PRKN: variants seen among roughly 807,000 people sequenced by gnomAD.
PRKN encodes parkin RBR E3 ubiquitin protein ligase, also known as E3 ubiquitin-protein ligase parkin.
In PRKN, 56 loss-of-function variants were observed where a neutral mutation model predicts 59.5. That is an observed-to-expected ratio of 0.94 (90% CI 0.76 to 1.18). PRKN has a LOEUF of 1.18. Among genes scored for constraint, PRKN ranks in the 50% most tolerant of loss-of-function variants. The probability of loss-of-function intolerance (pLI) is 0.00; values close to 1 mark genes in which losing one functional copy is unlikely to be tolerated. For synonymous variants in PRKN, 250 were observed against 222.1 expected, an observed-to-expected ratio of 1.13 and a Z score of -1.12; for missense variants, 657 against 596.4, an observed-to-expected ratio of 1.10 and a Z score of -1.06.
chr6:162,084,428 C>A (rs1407051684), intron 4 of PRKN, among the ~76,000 whole-genome samples: 1 of 152,076 alleles, frequency 6.6e-6, no homozygotes, highest in Non-Finnish European at 1.5e-5. Context: ...TTGCTGGTTT[C>A]TTTCAATAAA....
At chr6:161,739,530 C>T (rs1237001239) in intron 7 of PRKN, among the ~76,000 whole-genome samples, 1 of 152,134 alleles carries the variant, frequency 6.6e-6, no homozygotes, top group African/African-American at 2.4e-5. Flanking sequence ...GCTATTCATA[C>T]TTACGTGTAT....
At chr6:162,439,836 T>C (rs931235854) in intron 2 of PRKN, among the ~76,000 whole-genome samples, 1 of 152,184 alleles carries the variant, frequency 6.6e-6, no homozygotes, top group Non-Finnish European at 1.5e-5. Context: ...ATACAGTACA[T>C]ATTACATATG....
intron 4 of PRKN, among the ~76,000 whole-genome samples, chr6:162,118,177 C>T (rs1780754878): frequency 1.3e-5 from 2 of 151,704 alleles, no homozygotes; most frequent in African/African-American, 2.4e-5. Context: ...TTTGGGAGGC[C>T]GAGGCGGGTG....
chr6:161,733,069 A>C (rs1787790181), intron 7 of PRKN, among the ~76,000 whole-genome samples: 1 of 152,222 alleles, frequency 6.6e-6, no homozygotes, highest in Non-Finnish European at 1.5e-5. Flanking sequence ...ATTTTTATCA[A>C]ATTGGTAATG....
chr6:161,786,004 T>C lies in PRKN; in HGVS notation c.735-96A>G, dbSNP rs1312641499. ...ATTTCTGTAATCCTGGAGGGTTGTG[T>C]AGACTGTGCTCTGTGCAAAGACCGG... is the stretch of plus-strand genomic sequence containing the variant. On this transcript the variant is annotated intron_variant, in intron 6 of 11. Coordinates refer to ENST00000366898, the MANE Select transcript of PRKN (RefSeq NM_004562.3). 4.1e-6 allele frequency: 5 copies of C among 1,228,342 alleles called. No individual in the cohort carries two copies. In the Admixed American group the frequency reaches 9.5e-5, roughly 23 times the overall value. 76.1% of individuals were successfully genotyped at this position (1,228,342 alleles called of 1,614,324 possible). A position where few individuals can be genotyped will look rare whatever the true frequency, so the allele number is the denominator to read the frequency against.
At chr6:161,795,995 T>C (rs938131162) in intron 6 of PRKN, among the ~76,000 whole-genome samples, 5 of 152,186 alleles carry the variant, frequency 3.3e-5, no homozygotes, top group Admixed American at 3.3e-4. Context: ...ATAATGATAA[T>C]GCTTCTATAA....
At chr6:162,597,668 A>G (rs1781543353) in intron 1 of PRKN, among the ~76,000 whole-genome samples, 1 of 152,174 alleles carries the variant, frequency 6.6e-6, no homozygotes, top group African/African-American at 2.4e-5. Context: ...CTTACTCCCA[A>G]CAGACATAGA....
chr6:161,652,077 T>C (rs367546737), intron 7 of PRKN, among the ~76,000 whole-genome samples: 22 of 152,356 alleles, frequency 1.4e-4, no homozygotes, highest in African/African-American at 4.6e-4. Context: ...ACTTGTTCTT[T>C]CGGCATAATC....
At chr6:162,187,922 C>G (rs917143050) in intron 4 of PRKN, among the ~76,000 whole-genome samples, 8 of 152,144 alleles carry the variant, frequency 5.3e-5, no homozygotes, top group African/African-American at 1.9e-4. Context: ...ACCCAAATCT[C>G]ATCTTAAATT....
At chr6:162,586,665 A>G (rs2128213018) in intron 1 of PRKN, among the ~76,000 whole-genome samples, 1 of 152,314 alleles carries the variant, frequency 6.6e-6, no homozygotes, top group Non-Finnish European at 1.5e-5. Flanking sequence ...TGCATATTAA[A>G]TCTAATATCA....
intron 7 of PRKN, among the ~76,000 whole-genome samples, chr6:161,590,830 C>T (rs751585347): frequency 5.9e-5 from 9 of 151,982 alleles, no homozygotes; most frequent in East Asian, 3.9e-4. Flanking sequence ...AACTGTCCTG[C>T]GCTCATAAAA....
chr6:162,171,611 C>T (rs919022057), intron 4 of PRKN, among the ~76,000 whole-genome samples: 10 of 152,042 alleles, frequency 6.6e-5, no homozygotes, highest in Admixed American at 5.2e-4. Flanking sequence ...TAGTTTCTTT[C>T]GTAGGGCTGC....
chr6:162,727,643 C>G lies in PRKN; in HGVS notation c.7+19G>C. 6.3e-7 allele frequency: 1 copy of G among 1,583,980 alleles called. No homozygotes were observed. Among genetic ancestry groups the G allele is most frequent in the Non-Finnish European group, 8.6e-7 (1 of 1,165,448 alleles). On this transcript the variant is annotated intron_variant, in intron 1 of 11. Transcript: ENST00000366898. ...GTGGGGCGGCGCAGAGAGGCTGTAC[C>G]TGGCAGGTACCCACGTACCTATCAT...
In PRKN at chr6:161,401,734, T is replaced by C. The variant is rs1408296278; in HGVS notation, c.1084-14857A>G. 1.3e-5 allele frequency among the ~76,000 whole-genome samples: 2 copies of C among 152,184 alleles called. No individual in the cohort carries two copies. The highest frequency in any genetic ancestry group is 2.9e-5 in the Non-Finnish European group (2 of 68,038). ...AAATGTCTTGAACACTTTCTAGGCT[T>C]GTGTCTCTCCATGAGATTCTCAGAC... On this transcript the variant is annotated intron_variant, in intron 9 of 11. Transcript: ENST00000366898. The surrounding 1 kb of genome is among the most constrained non-coding windows in gnomAD (Gnocchi z 4.4).
intron 1 of PRKN, among the ~76,000 whole-genome samples, chr6:162,556,962 C>T (rs927261363): frequency 1.3e-5 from 2 of 152,010 alleles, no homozygotes; most frequent in Non-Finnish European, 2.9e-5. Context: ...TGAAATAAAG[C>T]AGATAAAAGA....
In PRKN at chr6:162,278,967, A is replaced by T. The variant is rs550427330; in HGVS notation, c.172-16202T>A. On this transcript the variant is annotated intron_variant, in intron 2 of 11. Coordinates refer to ENST00000366898, the MANE Select transcript of PRKN (RefSeq NM_004562.3). ...TGCTATAAATAGATTTTTTTAAAAA[A>T]TTTTTTAAAGGTTTGAATCTCCTAA... 9.3e-3 allele frequency among the ~76,000 whole-genome samples: 1,413 copies of T among 152,202 alleles called. 14 individuals are homozygous for T. Among genetic ancestry groups the T allele is most frequent in the African/African-American group, 0.03 (1,242 of 41,516 alleles).
rs748725337 is a variant in PRKN at position 161,582,674 on chromosome 6, G to A, written c.872-13258C>T. 3.9e-5 allele frequency among the ~76,000 whole-genome samples: 6 copies of A among 152,094 alleles called. No individual in the cohort carries two copies. Among genetic ancestry groups the A allele is most frequent in the East Asian group, 1.9e-4 (1 of 5,168 alleles). ...GATCTGCTGACCTCGTGATCTGCCCGCCTCGGCCTCCCAAAGTTCTGGGAT... is the reference window on the plus strand; with the variant it reads ...GATCTGCTGACCTCGTGATCTGCCCACCTCGGCCTCCCAAAGTTCTGGGAT... On this transcript the variant is annotated intron_variant, in intron 7 of 11. Transcript: ENST00000366898. The surrounding 1 kb of genome is among the most constrained non-coding windows in gnomAD (Gnocchi z 4.4).
In PRKN at chr6:161,352,037, G is replaced by C. The variant is rs73600927; in HGVS notation, c.1286-1826C>G. Reference sequence around the variant, plus strand: ...AACTGAAGGGAGGAGGAAGTGATTTGTATGAGGATGTACAGAGAACTGTTT... The same window carrying C: ...AACTGAAGGGAGGAGGAAGTGATTTCTATGAGGATGTACAGAGAACTGTTT... On this transcript the variant is annotated intron_variant, in intron 11 of 11. Transcript: ENST00000366898. This position sits in a 1 kb window ranked among gnomAD's most constrained non-coding sequence, Gnocchi z 5.8. Among the ~76,000 whole-genome samples, 6,448 of 152,254 alleles carry C rather than the reference G, an allele frequency of 0.042. 477 individuals are homozygous for C. The highest frequency in any genetic ancestry group is 0.15 in the African/African-American group (6,131 of 41,516).
At chr6:161,625,079 A>G (rs1211714657) in intron 7 of PRKN, among the ~76,000 whole-genome samples, 1 of 152,232 alleles carries the variant, frequency 6.6e-6, no homozygotes, top group African/African-American at 2.4e-5. Context: ...TTTAAAGTAG[A>G]TGACTTTCAA....
Sources: gnomAD v4.1 joint callset for allele counts (sites outside exome capture counted in the v4.1 genomes callset) on GRCh38, gnomAD v4.1.1 for gene constraint, Gnocchi (gnomAD v3.1) non-coding constraint, MANE v1.5 for transcripts, NCBI Gene and HGNC (gene_info 2026-07-23, HGNC 2026-07-21) for gene names.